Variants in SPECC1L observed in about 807,000 individuals in gnomAD.
The protein encoded by SPECC1L is cytospin-A.
SPECC1L carries 40 observed loss-of-function variants against 116.8 expected under a neutral mutation model. The ratio of observed to expected loss-of-function variants is 0.34; its 90% CI spans 0.27 to 0.45. The LOEUF is 0.45. SPECC1L is among the 20% of genes least tolerant of loss of function. The pLI is 1.00. For missense variants in SPECC1L, 1,110 were observed against 1,373.6 expected, an observed-to-expected ratio of 0.81 and a Z score of 3.03; for synonymous variants, 504 against 500.6, an observed-to-expected ratio of 1.01 and a Z score of -0.09.
intron 11 of SPECC1L, among the ~76,000 whole-genome samples, chr22:24,357,142 T>C (rs2041549594): frequency 6.6e-6 from 1 of 152,180 alleles, no homozygotes; most frequent in African/African-American, 2.4e-5. Context: ...AGATGGAAGC[T>C]ATAAGAGAAA....
intron 6 of SPECC1L, among the ~76,000 whole-genome samples, chr22:24,324,994 A>G (rs1010901510): frequency 6.6e-6 from 1 of 152,112 alleles, no homozygotes; most frequent in Non-Finnish European, 1.5e-5. Flanking sequence ...CAATAATGGG[A>G]CTCAAAAGTT....
rs768508990 is a variant in SPECC1L, at chr22:24,322,871, G to C, written c.1891G>C (p.Ala631Pro). 6.2e-7 allele frequency: 1 copy of C among 1,613,828 alleles called. No individual in the cohort carries two copies. Among genetic ancestry groups the C allele is most frequent in the Non-Finnish European group, 8.5e-7 (1 of 1,179,856 alleles). ...GGCTAGTAGCTTGCAGGAAGATCTGGCTCATACCCGAAATGATGCCAATCG... is the reference window on the plus strand; with the variant it reads ...GGCTAGTAGCTTGCAGGAAGATCTGCCTCATACCCGAAATGATGCCAATCG... ...TLASSLQEDL[A>P]HTRNDANRLQ... Residue 631 changes from alanine to proline, a missense_variant, in exon 5 of 17, where the codon GCT becomes CCT. Ala to Pro is a conservative substitution (Grantham distance 27). This residue lies in a region of SPECC1L where 575 missense variants were observed against 682.4 expected (regional missense o/e 0.84). Coordinates refer to ENST00000314328, the MANE Select transcript of SPECC1L (RefSeq NM_015330.6).
chr22:24,324,530 C>G, intron 6 of SPECC1L, 103 bp downstream of exon 6: 1 of 1,056,298 alleles, frequency 9.5e-7, no homozygotes, highest in Non-Finnish European at 1.4e-6. Flanking sequence ...GTGGCTCATG[C>G]CTGTAATTCC....
Position 24,321,489 on chromosome 22 carries a change from A to T in SPECC1L, c.509A>T (p.Lys170Met). 6.2e-7 allele frequency: 1 copy of T among 1,614,274 alleles called. No homozygotes were observed. The highest frequency in any genetic ancestry group is 8.5e-7 in the Non-Finnish European group (1 of 1,180,046). The change falls in exon 5 of 17, where the codon AAG becomes ATG. Residue 170 changes from lysine (K) to methionine (M), a missense_variant. By Grantham distance (95) the Lys-to-Met change is moderately conservative. This residue lies in a region of SPECC1L where 437 missense variants were observed against 482.6 expected (regional missense o/e 0.91). Transcript: ENST00000314328. ...TGTGACGTTCGTATGAGCAAGTCTAAGTCAGACAATCAGATCAGTGACAGA... is the reference window on the plus strand; with the variant it reads ...TGTGACGTTCGTATGAGCAAGTCTATGTCAGACAATCAGATCAGTGACAGA... ...TECDVRMSKSKSDNQISDRAA... is the reference protein window; with the variant it reads ...TECDVRMSKSMSDNQISDRAA...
intron 1 of SPECC1L, among the ~76,000 whole-genome samples, chr22:24,276,381 AG>A (rs1473286703): frequency 2.6e-5 from 4 of 152,202 alleles, no homozygotes; most frequent in African/African-American, 9.6e-5. Flanking sequence ...GCAGTGAGCT[AG>A]GGATCACACC....
intron 3 of SPECC1L, among the ~76,000 whole-genome samples, chr22:24,304,152 C>G (rs1391366108): frequency 1.3e-5 from 2 of 151,890 alleles, no homozygotes; most frequent in African/African-American, 4.8e-5. Context: ...ATTCCTTTAA[C>G]TGTCATGGAG....
At chr22:24,272,666 C>CA (rs397955926) in intron 1 of SPECC1L, among the ~76,000 whole-genome samples, 11,858 of 76,610 alleles carry the variant, frequency 0.15, 685 homozygotes, top group South Asian at 0.33. Context: ...GACTCTGTCT[C>CA]AAAAAAAAAA....
intron 6 of SPECC1L, among the ~76,000 whole-genome samples, chr22:24,326,339 C>T (rs1344011530): frequency 6.6e-6 from 1 of 152,256 alleles, no homozygotes; most frequent in Non-Finnish European, 1.5e-5. Flanking sequence ...TCTGTCCTTA[C>T]TCCTCGTCTT....
chr22:24,296,154 A>G (rs564522190), intron 2 of SPECC1L, among the ~76,000 whole-genome samples: 55 of 152,318 alleles, frequency 3.6e-4, no homozygotes, highest in African/African-American at 1.3e-3. Context: ...GTGAGGTTTG[A>G]ATTCAGACCG....
At chr22:24,291,628 ATTC>A (rs1384416958) in intron 2 of SPECC1L, among the ~76,000 whole-genome samples, 3 of 151,854 alleles carry the variant, frequency 2.0e-5, no homozygotes, top group Non-Finnish European at 2.9e-5. Flanking sequence ...CATGCAATAT[ATTC>A]TTCTGTAAAT....
chr22:24,329,911 A>G (rs902540924), intron 7 of SPECC1L, among the ~76,000 whole-genome samples: 1 of 152,102 alleles, frequency 6.6e-6, no homozygotes, highest in Admixed American at 6.5e-5. Flanking sequence ...GTAAACATCC[A>G]TAAATTCTGG....
intron 14 of SPECC1L, among the ~76,000 whole-genome samples, chr22:24,409,149 A>C (rs1248426156): frequency 6.6e-6 from 1 of 152,260 alleles, no homozygotes; most frequent in Non-Finnish European, 1.5e-5. Context: ...ATAGTTAATA[A>C]TATAATGATA....
chr22:24,308,573 A>G (rs1245946277), intron 3 of SPECC1L, among the ~76,000 whole-genome samples: 1 of 152,202 alleles, frequency 6.6e-6, no homozygotes, highest in African/African-American at 2.4e-5. Flanking sequence ...AGGTTTCTCC[A>G]CTGTCAGGTT....
intron 14 of SPECC1L, among the ~76,000 whole-genome samples, chr22:24,383,099 G>A (rs2042091952): frequency 6.6e-6 from 1 of 152,142 alleles, no homozygotes; most frequent in African/African-American, 2.4e-5. Flanking sequence ...GGAAATATTC[G>A]AGGCCTTCGG....
intron 14 of SPECC1L, among the ~76,000 whole-genome samples, chr22:24,389,918 A>T (rs1232195940): frequency 1.3e-5 from 2 of 152,132 alleles, no homozygotes; most frequent in Admixed American, 1.3e-4. Context: ...ACCATTTCAA[A>T]GCCTGTGGGT....
intron 14 of SPECC1L, among the ~76,000 whole-genome samples, chr22:24,388,376 G>A (rs1236722649): frequency 6.6e-6 from 1 of 151,198 alleles, no homozygotes; most frequent in African/African-American, 2.4e-5. Context: ...GAGAATGATG[G>A]TTTCCAGCTT....
At position 24,339,851 on chromosome 22, in the gene SPECC1L, C is replaced by T. The variant is rs189632446; in HGVS notation, c.2652+1374C>T. Among the ~76,000 whole-genome samples the T allele has an allele frequency of 9.8e-5, 15 of 152,286 alleles. No individual in the cohort carries two copies. In the East Asian group the frequency reaches 2.3e-3, roughly 24 times the overall value. ...AGATTGGAGTGTAGTTGCATGATCTCGGCTCACTGCACAACCTCTGCCTCC... is the reference window on the plus strand; with the variant it reads ...AGATTGGAGTGTAGTTGCATGATCTTGGCTCACTGCACAACCTCTGCCTCC... On this transcript the variant is annotated intron_variant, in intron 10 of 16. Transcript: ENST00000314328.
At chr22:24,354,544 T>C (rs4822487) in intron 11 of SPECC1L, among the ~76,000 whole-genome samples, 84,518 of 151,842 alleles carry the variant, frequency 0.56, 23,872 homozygotes, top group African/African-American at 0.64. Flanking sequence ...ACTCCTTGCT[T>C]TCTCAATGCA....
Position 24,411,693 on chromosome 22 carries a change from A to G in SPECC1L, c.3193A>G (p.Ser1065Gly). 1 of 1,613,198 alleles carries G rather than the reference A, an allele frequency of 6.2e-7. No individual in the cohort carries two copies. Among genetic ancestry groups the G allele is most frequent in the Non-Finnish European group, 8.5e-7 (1 of 1,179,864 alleles). Residue 1065 changes from serine to glycine, a missense_variant, in exon 15 of 17, where the codon AGC (serine) becomes GGC (glycine). Transcript: ENST00000314328. The stretch of plus-strand genomic sequence containing the variant: ...CCACATTCCATATCAAGAACTGAAC[A>G]GCCAGGATAAGGTAGGCCATGGAGG... ...PAHIPYQELN[S>G]QDKRRNFMLA...
Sources: gnomAD v4.1 joint callset for allele counts (sites outside exome capture counted in the v4.1 genomes callset) on GRCh38, gnomAD v4.1.1 for gene constraint, gnomAD v4.1.1 regional missense constraint, MANE v1.5 for transcripts, NCBI Gene and HGNC (gene_info 2026-07-23, HGNC 2026-07-21) for gene names.